Variants in KCNG3 observed in about 807,000 individuals in gnomAD.
KCNG3 encodes the protein voltage-gated potassium channel regulatory subunit KCNG3.
A neutral mutation model predicts 29.0 loss-of-function variants in KCNG3; 15 were observed. That is an observed-to-expected ratio of 0.52 (90% CI 0.35 to 0.80). The LOEUF is 0.80. Ranked by LOEUF, KCNG3 falls within the 30% of genes least tolerant of loss-of-function variation. The probability of loss-of-function intolerance (pLI) is 0.01; values close to 1 mark genes in which losing one functional copy is unlikely to be tolerated. For synonymous variants in KCNG3, 322 were observed against 248.9 expected (o/e 1.29, Z -2.76); for missense variants, 512 against 605.7 (o/e 0.85, Z 1.62).
At chr2:42,408,236 C>A in the KCNG3 span, among the ~76,000 whole-genome samples, 4 of 152,220 alleles carry the variant, frequency 2.6e-5, no homozygotes, top group African/African-American at 9.6e-5. Context: ...GGCTCCTGGG[C>A]GTAAGAGGGC....
intron 1 of KCNG3, among the ~76,000 whole-genome samples, chr2:42,468,311 T>C (rs1335090235): frequency 1.3e-5 from 2 of 152,120 alleles, no homozygotes; most frequent in Non-Finnish European, 2.9e-5. Context: ...AAAGTACAGG[T>C]GCTCTTTGAC....
Position 42,442,282 on chromosome 2 carries a change from G to A in KCNG3, c.*1652C>T, listed in dbSNP as rs533127087. 2.6e-5 allele frequency: 4 copies of A among 152,196 alleles called. No individual in the cohort carries two copies. The South Asian group carries it at 8.3e-4, about 32-fold the overall frequency. The allele number at this position is 152,196 out of a possible 1,614,324, so 9.4% of individuals were successfully genotyped here. ...CATAAGCTTAGGAAAGGAAATTAAG[G>A]GAAAGAAAACAGTTTTGCTATTATT... On this transcript the variant is annotated 3_prime_UTR_variant, in exon 2 of 2. Transcript: ENST00000306078.
intron 1 of KCNG3, among the ~76,000 whole-genome samples, chr2:42,473,597 G>C (rs1673346622): frequency 6.6e-6 from 1 of 151,898 alleles, no homozygotes; most frequent in South Asian, 2.1e-4. Flanking sequence ...TGATCTGCCT[G>C]CCTCAGCCTC....
the KCNG3 span, among the ~76,000 whole-genome samples, chr2:42,423,399 C>G: frequency 6.6e-6 from 1 of 152,214 alleles, no homozygotes; most frequent in Non-Finnish European, 1.5e-5. Context: ...CAGGGTGAAG[C>G]CCACCTTCTT....
intron 1 of KCNG3, among the ~76,000 whole-genome samples, chr2:42,462,228 C>T (rs1357684066): frequency 6.6e-6 from 1 of 152,174 alleles, no homozygotes; most frequent in African/African-American, 2.4e-5. Flanking sequence ...TACTCTAGTG[C>T]AAGGGCAAAA....
intron 1 of KCNG3, among the ~76,000 whole-genome samples, chr2:42,479,611 A>T (rs1572862119): frequency 6.6e-6 from 1 of 151,428 alleles, no homozygotes; most frequent in East Asian, 1.9e-4. Context: ...GCACCACTGC[A>T]CTTCAGTCTG....
chr2:42,426,441 C>T, the KCNG3 span, among the ~76,000 whole-genome samples: 1 of 152,206 alleles, frequency 6.6e-6, no homozygotes, highest in Non-Finnish European at 1.5e-5. Context: ...TACATCTGAT[C>T]CTTCCATGAC....
At chr2:42,391,824 G>A in the KCNG3 span, among the ~76,000 whole-genome samples, 6 of 151,390 alleles carry the variant, frequency 4.0e-5, no homozygotes, top group East Asian at 5.9e-4. Context: ...GGATGGTCTC[G>A]ATCTCCTGAC....
At chr2:42,460,013 C>T (rs951060375) in intron 1 of KCNG3, among the ~76,000 whole-genome samples, 3 of 150,232 alleles carry the variant, frequency 2.0e-5, no homozygotes, top group Non-Finnish European at 4.4e-5. Flanking sequence ...ATTGGGGAAA[C>T]CAGATGAAGG....
Position 42,492,842 on chromosome 2 carries a change from G to A in KCNG3, c.660C>T (p.Pro220=). 5 of 1,496,108 alleles carry A rather than the reference G, an allele frequency of 3.3e-6. No individual in the cohort carries two copies. The highest frequency in any genetic ancestry group is 4.4e-6 in the Non-Finnish European group (5 of 1,126,442). The allele number at this position is 1,496,108 out of a possible 1,614,324, so 92.7% of individuals were successfully genotyped here. The change falls in exon 1 of 2, where the codon CCC becomes CCT. Residue 220 remains proline (P), a synonymous_variant. Coordinates refer to ENST00000306078, the MANE Select transcript of KCNG3 (RefSeq NM_133329.6). ...AGAGAAGCAGTGCGTCCTACCCGGA[G>A]GGCTCCCTCCCAGGGCCGGCGGAGT... The part of the protein sequence containing the change: ...SRYSAGPGRE[P]SGIIEAICIG...
At chr2:42,412,987 G>C in the KCNG3 span, among the ~76,000 whole-genome samples, 5 of 151,778 alleles carry the variant, frequency 3.3e-5, no homozygotes, top group Admixed American at 6.6e-5. Context: ...ACCCATGCTA[G>C]AGTGCAGGCA....
chr2:42,457,627 T>TCTCTCACACACA (rs1553327818), intron 1 of KCNG3, among the ~76,000 whole-genome samples: 46 of 125,520 alleles, frequency 3.7e-4, no homozygotes, highest in Middle Eastern at 3.9e-3. Flanking sequence ...CAGGCAGATC[T>TCTCTCACACACA]CACACACACA....
chr2:42,482,723 C>T (rs568868954), intron 1 of KCNG3, among the ~76,000 whole-genome samples: 26 of 151,344 alleles, frequency 1.7e-4, no homozygotes, highest in Non-Finnish European at 3.5e-4. Flanking sequence ...AGCAAGACTC[C>T]ACCTCAAAAC....
intron 1 of KCNG3, among the ~76,000 whole-genome samples, chr2:42,449,020 C>T (rs549939050): frequency 6.2e-4 from 94 of 152,118 alleles, no homozygotes; most frequent in Non-Finnish European, 9.1e-4. Flanking sequence ...TACAGACAGC[C>T]AACTTTTCAT....
the KCNG3 span, among the ~76,000 whole-genome samples, chr2:42,406,669 T>TA: frequency 1.3e-5 from 2 of 150,084 alleles, no homozygotes; most frequent in African/African-American, 2.4e-5. Context: ...TACTAAAAAT[T>TA]TAAAAAAATA....
intron 1 of KCNG3, among the ~76,000 whole-genome samples, chr2:42,483,926 G>C (rs1169098661): frequency 6.6e-6 from 1 of 152,028 alleles, no homozygotes; most frequent in Non-Finnish European, 1.5e-5. Flanking sequence ...TGAGTACCTG[G>C]GATTACAGGA....
the KCNG3 span, among the ~76,000 whole-genome samples, chr2:42,389,259 G>A: frequency 7.2e-5 from 11 of 152,168 alleles, no homozygotes; most frequent in African/African-American, 2.4e-4. Context: ...ACTTAACAGT[G>A]TATGATCATA....
At position 42,444,949 on chromosome 2, in the gene KCNG3, C is replaced by T. The variant is rs1366491573; in HGVS notation, c.666-370G>A. ...GGCTTGGTGACACACACCTGTAGTA[C>T]CACCTACCTGGGAGGCTAAGGTGGG... On this transcript the variant is annotated intron_variant, in intron 1 of 1. Coordinates refer to ENST00000306078, the MANE Select transcript of KCNG3 (RefSeq NM_133329.6). This position sits in a 1 kb window ranked among gnomAD's most constrained non-coding sequence, Gnocchi z 5.8. Among the ~76,000 whole-genome samples, 2 of 151,722 alleles carry T rather than the reference C, an allele frequency of 1.3e-5. No individual in the cohort carries two copies. The highest frequency in any genetic ancestry group is 4.8e-5 in the African/African-American group (2 of 41,288).
At chr2:42,461,186 A>AC (rs1553328341) in intron 1 of KCNG3, among the ~76,000 whole-genome samples, 27,814 of 101,934 alleles carry the variant, frequency 0.27, 1,252 homozygotes, top group Middle Eastern at 0.37. Context: ...ACAAAACAAA[A>AC]AAAAAAAAAA....
Sources: allele counts gnomAD v4.1 joint callset (sites outside exome capture counted in the v4.1 genomes callset), GRCh38; gene constraint gnomAD v4.1.1; non-coding constraint Gnocchi (gnomAD v3.1); transcripts MANE v1.5; gene names NCBI Gene and HGNC (gene_info 2026-07-23, HGNC 2026-07-21).